The following WAC variants were observed in gnomAD, a reference collection of about 807,000 sequenced individuals.
WAC encodes WW domain-containing adapter protein with coiled-coil.
WAC carries 11 observed loss-of-function variants against 79.6 expected under a neutral mutation model. That is an observed-to-expected ratio of 0.14 (90% CI 0.09 to 0.23). The LOEUF is 0.23. WAC is among the 10% of genes least tolerant of loss of function. The pLI is 1.00. For synonymous variants in WAC, 304 were observed against 276.9 expected, an observed-to-expected ratio of 1.10 and a Z score of -0.97; for missense variants, 728 against 773.5, an observed-to-expected ratio of 0.94 and a Z score of 0.70.
intron 3 of WAC, among the ~76,000 whole-genome samples, chr10:28,562,970 G>A (rs2132496784): frequency 6.6e-6 from 1 of 152,250 alleles, no homozygotes; most frequent in South Asian, 2.1e-4. Flanking sequence ...TGTGCAGCGG[G>A]TGATCAAAAA....
At chr10:28,548,478 AT>A (rs1837488014) in intron 3 of WAC, among the ~76,000 whole-genome samples, 1 of 152,136 alleles carries the variant, frequency 6.6e-6, no homozygotes, top group Non-Finnish European at 1.5e-5. Context: ...ATCTCTTGGC[AT>A]CTTCTTTCAA....
At chr10:28,606,339 A>G (rs1448499321) in intron 7 of WAC, among the ~76,000 whole-genome samples, 1 of 152,244 alleles carries the variant, frequency 6.6e-6, no homozygotes, top group Non-Finnish European at 1.5e-5. Flanking sequence ...TCCATCTGAC[A>G]GCAGAATTTT....
intron 3 of WAC, among the ~76,000 whole-genome samples, chr10:28,565,979 C>T (rs1403871593): frequency 6.6e-6 from 1 of 152,100 alleles, no homozygotes; most frequent in African/African-American, 2.4e-5. Flanking sequence ...TAGAATCTGA[C>T]ATTTATACCA....
At chr10:28,614,157 G>T (rs1044801401) in intron 10 of WAC, among the ~76,000 whole-genome samples, 8 of 151,998 alleles carry the variant, frequency 5.3e-5, no homozygotes, top group Non-Finnish European at 1.0e-4. Flanking sequence ...CCAGGCGGGA[G>T]TGCTGTGGCG....
At chr10:28,536,054 C>T in intron 3 of WAC, 1 of 177,130 alleles carries the variant, frequency 5.6e-6, no homozygotes, top group Non-Finnish European at 1.2e-5. Context: ...CCAGCCTGGC[C>T]AGCAGGTGAA....
intron 7 of WAC, among the ~76,000 whole-genome samples, chr10:28,607,519 A>G (rs1241072856): frequency 6.6e-6 from 1 of 152,208 alleles, no homozygotes; most frequent in Non-Finnish European, 1.5e-5. Context: ...TCTAAATACT[A>G]TGAGGTGGGT....
intron 3 of WAC, among the ~76,000 whole-genome samples, chr10:28,582,178 C>T (rs984581039): frequency 3.9e-5 from 6 of 152,158 alleles, no homozygotes; most frequent in Non-Finnish European, 8.8e-5. Context: ...TGCCTTTTTT[C>T]CTGTCATACT....
At chr10:28,546,867 CTT>C (rs76863753) in intron 3 of WAC, among the ~76,000 whole-genome samples, 18 of 142,072 alleles carry the variant, frequency 1.3e-4, no homozygotes, top group Admixed American at 1.4e-4. Context: ...TTTGATTTGT[CTT>C]TTTTTTTTTT....
chr10:28,556,388 A>AT (rs764934182), intron 3 of WAC, among the ~76,000 whole-genome samples: 3,711 of 54,920 alleles, frequency 0.068, 540 homozygotes, highest in Non-Finnish European at 0.074. Context: ...TGCCCATTAA[A>AT]TTTTTTTTTT....
At chr10:28,533,716 G>T (rs1374209628) in intron 1 of WAC, 96 bp downstream of exon 1, 5 of 1,386,096 alleles carry the variant, frequency 3.6e-6, no homozygotes, top group East Asian at 2.8e-5. Flanking sequence ...CGCCATTTTT[G>T]TTGTTAACCC....
intron 3 of WAC, among the ~76,000 whole-genome samples, chr10:28,538,600 A>AC (rs397846333): frequency 6.6e-6 from 1 of 150,652 alleles, no homozygotes; most frequent in Admixed American, 6.6e-5. Context: ...AAAAAAAAAA[A>AC]AGAATTCAGC....
intron 7 of WAC, among the ~76,000 whole-genome samples, chr10:28,605,543 TG>T (rs1443240032): frequency 7.9e-5 from 12 of 152,342 alleles, no homozygotes; most frequent in Non-Finnish European, 1.8e-4. Context: ...TAGAATCAAC[TG>T]GTTTCCACAC....
At chr10:28,612,968 C>T (rs957232724) in intron 10 of WAC, among the ~76,000 whole-genome samples, 1 of 152,128 alleles carries the variant, frequency 6.6e-6, no homozygotes, top group Non-Finnish European at 1.5e-5. Flanking sequence ...TTTATAGTCA[C>T]TTGTAAACTG....
intron 2 of WAC, chr10:28,535,225 A>G (rs1836572949): frequency 5.8e-6 from 1 of 171,436 alleles, no homozygotes; most frequent in Non-Finnish European, 1.2e-5. Flanking sequence ...GTAGTACTGA[A>G]TTTCTAGTTT....
At chr10:28,588,774 C>T (rs1451527085) in intron 4 of WAC, 1 of 151,964 alleles carries the variant, frequency 6.6e-6, no homozygotes, top group African/African-American at 2.4e-5. Flanking sequence ...TTATGGGGTA[C>T]ATAGTGATGT....
chr10:28,599,761 T>C (rs182828189), intron 7 of WAC, among the ~76,000 whole-genome samples: 210 of 152,274 alleles, frequency 1.4e-3, no homozygotes, highest in African/African-American at 4.9e-3. Context: ...GCAGAGCTCT[T>C]TTATTTTTGC....
intron 3 of WAC, among the ~76,000 whole-genome samples, chr10:28,579,911 G>GAT (rs1260470530): frequency 3.3e-5 from 5 of 152,164 alleles, no homozygotes; most frequent in African/African-American, 1.2e-4. Context: ...GGAATGTAAA[G>GAT]ATGTACTGCC....
chr10:28,565,305 G>T (rs1239824544), intron 3 of WAC, among the ~76,000 whole-genome samples: 2 of 152,134 alleles, frequency 1.3e-5, no homozygotes, highest in Non-Finnish European at 2.9e-5. Flanking sequence ...ATAACTTTTT[G>T]TATCTCTGTG....
chr10:28,588,536 T>C (rs1234090905), intron 4 of WAC, among the ~76,000 whole-genome samples: 2 of 152,216 alleles, frequency 1.3e-5, no homozygotes, highest in Non-Finnish European at 2.9e-5. Context: ...TTGTGACCTA[T>C]AGACAACTCA....
Sources: allele counts gnomAD v4.1 joint callset (sites outside exome capture counted in the v4.1 genomes callset), GRCh38; gene constraint gnomAD v4.1.1; transcripts MANE v1.5; gene names NCBI Gene and HGNC (gene_info 2026-07-23, HGNC 2026-07-21).